Variants in SRBD1 observed in about 807,000 individuals in gnomAD.
The protein encoded by SRBD1 is S1 RNA-binding domain-containing protein 1.
A neutral mutation model predicts 115.3 loss-of-function variants in SRBD1; 88 were observed. The ratio of observed to expected loss-of-function variants is 0.76; its 90% CI spans 0.64 to 0.91. SRBD1 has a LOEUF of 0.91. SRBD1 is among the 40% of genes least tolerant of loss of function. The probability of loss-of-function intolerance (pLI) is 0.00; values close to 1 mark genes in which losing one functional copy is unlikely to be tolerated. For missense variants in SRBD1, 1,385 were observed against 1,177.4 expected (o/e 1.18, Z -2.58); for synonymous variants, 509 against 407.7 (o/e 1.25, Z -2.99).
chr2:45,534,487 T>C (rs1360659341), intron 14 of SRBD1, among the ~76,000 whole-genome samples: 1 of 151,750 alleles, frequency 6.6e-6, no homozygotes, highest in East Asian at 1.9e-4. Context: ...TAGAAAGAAA[T>C]GAGAAATTTA....
Position 45,611,204 on chromosome 2 carries a change from G to C in SRBD1, c.-1+15C>G, listed in dbSNP as rs1037499367. ...GAACCCGCAAGACGACCGCCAAGGC[G>C]CACGCACAGCTCACCTTCCCGCCCG... On this transcript the variant is annotated intron_variant, in intron 1 of 20. Transcript: ENST00000263736. 2 of 152,196 alleles carry C rather than the reference G, an allele frequency of 1.3e-5. No individual in the cohort carries two copies. Among genetic ancestry groups the C allele is most frequent in the African/African-American group, 4.8e-5 (2 of 41,464 alleles). 9.4% of individuals were successfully genotyped at this position (152,196 alleles called of 1,614,324 possible).
Position 45,553,632 on chromosome 2 carries a change from C to T in SRBD1, c.1508G>A (p.Arg503Lys). Reference sequence around the variant, plus strand: ...AAGACAAGATATATACCTGAATTCTCTACAGAGAAGAGGATAAATAAGGCG... The same window carrying T: ...AAGACAAGATATATACCTGAATTCTTTACAGAGAAGAGGATAAATAAGGCG... ...FKRLIYPLLC[R>K]EFRAKLTSDA... Residue 503 changes from arginine (R) to lysine (K), a missense_variant, in exon 11 of 21, where the codon AGA (arginine) becomes AAA (lysine). Arg to Lys is a conservative substitution (Grantham distance 26, BLOSUM62 2). Coordinates refer to ENST00000263736, the MANE Select transcript of SRBD1 (RefSeq NM_018079.5). The T allele has an allele frequency of 6.3e-7, 1 of 1,589,178 alleles. No homozygotes were observed.
At chr2:45,546,385 T>G in intron 14 of SRBD1, 2 of 974,354 alleles carry the variant, frequency 2.1e-6, no homozygotes, top group Non-Finnish European at 2.4e-6. Context: ...GGCTAAGTTA[T>G]TCACAGTCTA....
intron 16 of SRBD1, among the ~76,000 whole-genome samples, chr2:45,421,681 G>A (rs531011507): frequency 2.8e-4 from 42 of 152,132 alleles, no homozygotes; most frequent in Non-Finnish European, 5.0e-4. Context: ...TGGGACAGGA[G>A]ACTTCTCTTT....
At chr2:45,512,953 G>A (rs190332695) in intron 14 of SRBD1, among the ~76,000 whole-genome samples, 2 of 152,070 alleles carry the variant, frequency 1.3e-5, no homozygotes, top group Non-Finnish European at 2.9e-5. Flanking sequence ...CTCATGCTGA[G>A]AAGGACCAAG....
At position 45,576,348 on chromosome 2, in the gene SRBD1, T is replaced by C. The variant is rs577457341; in HGVS notation, c.1073-1625A>G. ...ATCAGCTTTATGTCATCAGTAAGGCTTCAGGTCAACAGTAGGCTATTAACA... is the reference window on the plus strand; with the variant it reads ...ATCAGCTTTATGTCATCAGTAAGGCCTCAGGTCAACAGTAGGCTATTAACA... On this transcript the variant is annotated intron_variant, in intron 7 of 20. Transcript: ENST00000263736. Among the ~76,000 whole-genome samples the C allele has an allele frequency of 6.0e-4, 92 of 152,286 alleles. 1 individual carries two copies. Among genetic ancestry groups the C allele is most frequent in the African/African-American group, 2.1e-3 (89 of 41,560 alleles).
intron 14 of SRBD1, among the ~76,000 whole-genome samples, chr2:45,543,511 G>C (rs1443579585): frequency 2.6e-5 from 4 of 152,222 alleles, no homozygotes; most frequent in Non-Finnish European, 5.9e-5. Flanking sequence ...TGGCTGACAA[G>C]ATTATAGATT....
At chr2:45,403,190 A>C (rs1335321782) in intron 19 of SRBD1, among the ~76,000 whole-genome samples, 1 of 152,140 alleles carries the variant, frequency 6.6e-6, no homozygotes, top group African/African-American at 2.4e-5. Context: ...GAGGTCTTGA[A>C]ATTTTTTCAA....
chr2:45,521,777 G>A (rs1331376403), intron 14 of SRBD1, among the ~76,000 whole-genome samples: 1 of 152,006 alleles, frequency 6.6e-6, no homozygotes, highest in Non-Finnish European at 1.5e-5. Context: ...CACTAGCCTG[G>A]GCAACATGGT....
chr2:45,490,661 A>G (rs976161571), intron 14 of SRBD1, among the ~76,000 whole-genome samples: 1 of 152,174 alleles, frequency 6.6e-6, no homozygotes, highest in Non-Finnish European at 1.5e-5. Context: ...AAAAATTCCA[A>G]TTAACTGTGG....
At chr2:45,576,646 G>C (rs1053350038) in intron 7 of SRBD1, among the ~76,000 whole-genome samples, 36 of 152,240 alleles carry the variant, frequency 2.4e-4, no homozygotes, top group African/African-American at 8.4e-4. Flanking sequence ...ATAACACATA[G>C]AGCACTCAAT....
chr2:45,437,941 TATAA>T (rs1461587486), intron 16 of SRBD1, among the ~76,000 whole-genome samples: 2 of 152,246 alleles, frequency 1.3e-5, no homozygotes, highest in Non-Finnish European at 2.9e-5. Flanking sequence ...TTTATGATAC[TATAA>T]ATAGTGAATA....
At chr2:45,534,724 A>T (rs1159706872) in intron 14 of SRBD1, among the ~76,000 whole-genome samples, 1 of 151,948 alleles carries the variant, frequency 6.6e-6, no homozygotes, top group Non-Finnish European at 1.5e-5. Context: ...AATAACACCA[A>T]CCACATCTTT....
intron 12 of SRBD1, among the ~76,000 whole-genome samples, chr2:45,550,833 A>G (rs1279843314): frequency 2.6e-5 from 4 of 152,226 alleles, no homozygotes; most frequent in Non-Finnish European, 5.9e-5. Context: ...ATGCATCACA[A>G]TAATAGAATC....
At chr2:45,573,716 GAAAC>G (rs1558487857) in intron 8 of SRBD1, among the ~76,000 whole-genome samples, 1 of 152,088 alleles carries the variant, frequency 6.6e-6, no homozygotes, top group Non-Finnish European at 1.5e-5. Flanking sequence ...TAAAAAAAGA[GAAAC>G]AAAAGGATGT....
chr2:45,438,792 G>A (rs767141140), intron 16 of SRBD1, among the ~76,000 whole-genome samples: 4 of 152,120 alleles, frequency 2.6e-5, no homozygotes, highest in Non-Finnish European at 5.9e-5. Flanking sequence ...GAGGGAAAGA[G>A]AGAATAGGGC....
intron 16 of SRBD1, among the ~76,000 whole-genome samples, chr2:45,451,657 T>A (rs545321991): frequency 6.6e-6 from 1 of 151,320 alleles, no homozygotes; most frequent in South Asian, 2.1e-4. Context: ...ACTTAGAAAG[T>A]GGTAAAGCAC....
intron 19 of SRBD1, among the ~76,000 whole-genome samples, chr2:45,405,318 C>A (rs987686334): frequency 6.6e-6 from 1 of 152,010 alleles, no homozygotes; most frequent in Non-Finnish European, 1.5e-5. Context: ...CATTACTGAG[C>A]CTTTTTTGTT....
At chr2:45,500,175 G>A (rs1267636121) in intron 14 of SRBD1, among the ~76,000 whole-genome samples, 3 of 150,952 alleles carry the variant, frequency 2.0e-5, no homozygotes, top group Admixed American at 6.6e-5. Flanking sequence ...TCTTTCACCA[G>A]TATTTTATAG....
Sources: gnomAD v4.1 joint callset for allele counts (sites outside exome capture counted in the v4.1 genomes callset) on GRCh38, gnomAD v4.1.1 for gene constraint, MANE v1.5 for transcripts, NCBI Gene and HGNC (gene_info 2026-07-23, HGNC 2026-07-21) for gene names.